UAP1: variants seen among roughly 807,000 people sequenced by gnomAD.
UAP1 encodes UDP-N-acetylglucosamine pyrophosphorylase 1, also known as UDP-N-acetylhexosamine pyrophosphorylase.
A neutral mutation model predicts 58.5 loss-of-function variants in UAP1; 25 were observed. That is an observed-to-expected ratio of 0.43 (90% CI 0.31 to 0.60). UAP1 has a LOEUF of 0.60. Among genes scored for constraint, UAP1 ranks in the 20% least tolerant of loss-of-function variants. The pLI is 0.11. For synonymous variants in UAP1, 208 were observed against 213.0 expected, an observed-to-expected ratio of 0.98 and a Z score of 0.21; for missense variants, 575 against 630.0, an observed-to-expected ratio of 0.91 and a Z score of 0.93.
At chr1:162,584,697 G>C (rs1484458777) in intron 5 of UAP1, among the ~76,000 whole-genome samples, 1 of 152,082 alleles carries the variant, frequency 6.6e-6, no homozygotes, top group African/African-American at 2.4e-5. Context: ...TGCCCAGGCT[G>C]GTCTTGAAAT....
At chr1:162,586,656 G>C (rs895097631) in intron 5 of UAP1, among the ~76,000 whole-genome samples, 12 of 152,196 alleles carry the variant, frequency 7.9e-5, no homozygotes, top group Non-Finnish European at 1.3e-4. Flanking sequence ...AAACACTTAA[G>C]TCAGTGATGT....
chr1:162,564,188 T>C (rs866393109), intron 1 of UAP1, among the ~76,000 whole-genome samples: 1 of 152,142 alleles, frequency 6.6e-6, no homozygotes, highest in Non-Finnish European at 1.5e-5. Context: ...ATAATGAACA[T>C]TGAAAGCTGA....
chr1:162,566,624 G>A (rs1291753471), intron 2 of UAP1, among the ~76,000 whole-genome samples: 1 of 151,628 alleles, frequency 6.6e-6, no homozygotes, highest in Non-Finnish European at 1.5e-5. Context: ...AGTTTAAGCT[G>A]GCTTAATTTT....
intron 2 of UAP1, 60 bp from the exon 3 acceptor site, chr1:162,576,717 T>C (rs917405602): frequency 1.4e-6 from 2 of 1,452,820 alleles, no homozygotes; most frequent in African/African-American, 2.8e-5. Context: ...TACCTATGTA[T>C]ATTTAATACT....
intron 9 of UAP1, among the ~76,000 whole-genome samples, chr1:162,597,011 A>T (rs536015990): frequency 6.6e-6 from 1 of 152,348 alleles, no homozygotes; most frequent in South Asian, 2.1e-4. Context: ...GCTTGAGTGC[A>T]TTCTGCCTTA....
chr1:162,588,781 C>G, exon 7 of UAP1: 3 of 1,611,824 alleles, frequency 1.9e-6, no homozygotes, highest in Non-Finnish European at 2.5e-6. Context: ...GCCAGACAAA[C>G]CCAATGGAAT....
chr1:162,573,861 G>A (rs918090002), intron 2 of UAP1, among the ~76,000 whole-genome samples: 3 of 151,740 alleles, frequency 2.0e-5, no homozygotes, highest in Admixed American at 1.3e-4. Flanking sequence ...CTGCATAGGA[G>A]GCTGGGGTGG....
chr1:162,575,262 T>G (rs1330648152), intron 2 of UAP1, among the ~76,000 whole-genome samples: 1 of 151,844 alleles, frequency 6.6e-6, no homozygotes, highest in African/African-American at 2.4e-5. Context: ...AGAGATGGGA[T>G]TTCGCCATGT....
intron 2 of UAP1, among the ~76,000 whole-genome samples, chr1:162,572,532 G>T (rs754516673): frequency 1.1e-4 from 16 of 152,212 alleles, no homozygotes; most frequent in African/African-American, 1.4e-4. Flanking sequence ...GTGAAAGTAA[G>T]AAGTCAGGAA....
At chr1:162,599,226 A>C in intron 10 of UAP1, 45 bp from the exon 11 acceptor site, 1 of 1,377,872 alleles carries the variant, frequency 7.3e-7, no homozygotes, top group Non-Finnish European at 1.0e-6. Flanking sequence ...ACTGCATGAC[A>C]AGTGCAAATT....
chr1:162,585,190 C>CT (rs1654828034), intron 5 of UAP1, among the ~76,000 whole-genome samples: 1 of 151,946 alleles, frequency 6.6e-6, no homozygotes, highest in African/African-American at 2.4e-5. Context: ...GTGCCTGGCC[C>CT]TGGACTCAGT....
At chr1:162,596,662 G>T (rs578136902) in intron 9 of UAP1, among the ~76,000 whole-genome samples, 1 of 152,156 alleles carries the variant, frequency 6.6e-6, no homozygotes, top group Admixed American at 6.6e-5. Context: ...CTCAGGATAA[G>T]TAAGGTGAAG....
intron 2 of UAP1, 54 bp downstream of exon 2, chr1:162,566,402 T>G (rs1039929931): frequency 3.9e-6 from 6 of 1,535,736 alleles, no homozygotes; most frequent in Admixed American, 2.0e-5. Flanking sequence ...ATACTAAAAT[T>G]GTTCAGGTAG....
rs1557970274 is a variant in UAP1, at chr1:162,577,434, C to CTTTTTTT, written c.485+453_485+454insTTTTTTT. On this transcript the variant is annotated intron_variant, in intron 3 of 10. Transcript: ENST00000271469. Reference sequence around the variant, plus strand: ...CACCTTGGTCAGTGTTAGTTCCTTCCCTTTTTTTTTTTTTTTTTTTTTTTT... The same window carrying CTTTTTTT: ...CACCTTGGTCAGTGTTAGTTCCTTCCTTTTTTTCTTTTTTTTTTTTTTTTTTTTTTTT... Among the ~76,000 whole-genome samples, 191 of 138,210 alleles carry CTTTTTTT rather than the reference C, an allele frequency of 1.4e-3. 2 individuals carry two copies. Among genetic ancestry groups the CTTTTTTT allele is most frequent in the African/African-American group, 5.3e-3 (184 of 34,836 alleles). The allele number at this position is 138,210 out of a possible 152,430, so 90.7% of individuals were successfully genotyped here. A position where few individuals can be genotyped will look rare whatever the true frequency, so the allele number is the denominator to read the frequency against.
intron 2 of UAP1, among the ~76,000 whole-genome samples, chr1:162,568,068 G>A (rs1471982534): frequency 6.6e-6 from 1 of 152,214 alleles, no homozygotes; most frequent in Admixed American, 6.5e-5. Context: ...CAAGTACTGC[G>A]ATTACAGGTA....
Position 162,587,629 on chromosome 1 carries a change from A to G in UAP1, c.989A>G (p.Asn330Ser), listed in dbSNP as rs34942806. The change falls in exon 6 of 11, where the codon AAC becomes AGC. Residue 330 changes from asparagine (N) to serine (S), a missense_variant. Physicochemically the swap from Asn to Ser is conservative, Grantham distance 46 (BLOSUM62 1). Transcript: ENST00000271469. ...CTGTTCAATGCGGGGAACATTGCCA[A>G]CCATTTCTTCACTGTACCATTTCTG... 4,013 of 1,614,038 alleles carry G rather than the reference A, an allele frequency of 2.5e-3. 15 individuals are homozygous for G. Among genetic ancestry groups the G allele is most frequent in the South Asian group, 3.5e-3 (317 of 91,070 alleles).
chr1:162,571,698 G>A (rs1653875076), intron 2 of UAP1, among the ~76,000 whole-genome samples: 1 of 152,176 alleles, frequency 6.6e-6, no homozygotes, highest in Non-Finnish European at 1.5e-5. Context: ...GACAAAAGCA[G>A]TCCCAAAAAG....
chr1:162,595,080 A>T (rs1655540424), intron 9 of UAP1, among the ~76,000 whole-genome samples: 1 of 152,240 alleles, frequency 6.6e-6, no homozygotes, highest in South Asian at 2.1e-4. Context: ...CTTACTGAAT[A>T]GTGTTAGCTA....
At chr1:162,564,648 C>G (rs1180781561) in intron 1 of UAP1, among the ~76,000 whole-genome samples, 1 of 152,126 alleles carries the variant, frequency 6.6e-6, no homozygotes, top group Admixed American at 6.6e-5. Context: ...ATCCATTGCT[C>G]CTTTCTCTCA....
Sources: gnomAD v4.1 joint callset for allele counts (sites outside exome capture counted in the v4.1 genomes callset) on GRCh38, gnomAD v4.1.1 for gene constraint, MANE v1.5 for transcripts, NCBI Gene and HGNC (gene_info 2026-07-23, HGNC 2026-07-21) for gene names.